Variants in EIF4B observed in about 807,000 individuals in gnomAD.
EIF4B encodes eukaryotic translation initiation factor 4B.
A neutral mutation model predicts 79.3 loss-of-function variants in EIF4B; 8 were observed. That is an observed-to-expected ratio of 0.10 (90% CI 0.06 to 0.18). The LOEUF is 0.18. EIF4B is among the 10% of genes least tolerant of loss of function. The probability of loss-of-function intolerance (pLI) is 1.00; values close to 1 mark genes in which losing one functional copy is unlikely to be tolerated. For synonymous variants in EIF4B, 238 were observed against 274.7 expected, an observed-to-expected ratio of 0.87 and a Z score of 1.32; for missense variants, 515 against 792.4, an observed-to-expected ratio of 0.65 and a Z score of 4.20.
chr12:53,019,436 T>TTTTTTTTTTCTTTTTTTG (rs1943204832), intron 3 of EIF4B, among the ~76,000 whole-genome samples: 1 of 19,770 alleles, frequency 5.1e-5, no homozygotes, highest in Non-Finnish European at 1.8e-4. Context: ...TATATATATA[T>TTTTTTTTTTCTTTTTTTG]ATTTTTTTTT....
At position 53,040,511 on chromosome 12, in the gene EIF4B, G is replaced by C. The variant is rs867498398; in HGVS notation, c.*288G>C. 20 of 274,440 alleles carry C rather than the reference G, an allele frequency of 7.3e-5. No homozygotes were observed. Among genetic ancestry groups the C allele is most frequent in the African/African-American group, 1.1e-4 (5 of 45,564 alleles). The allele number at this position is 274,440 out of a possible 1,614,324, so 17.0% of individuals were successfully genotyped here. ...CCATGCAGTTGCCAGTGTGATTAGT[G>C]CCTAGGGGTCTCCATTTAGCAGAAA... On this transcript the variant is annotated 3_prime_UTR_variant, in exon 15 of 15. Coordinates refer to ENST00000262056, the MANE Select transcript of EIF4B (RefSeq NM_001417.7).
At chr12:53,034,739 A>G in intron 10 of EIF4B, 30 bp downstream of exon 10, 1 of 1,613,216 alleles carries the variant, frequency 6.2e-7, no homozygotes, top group Non-Finnish European at 8.5e-7. Flanking sequence ...GTATCGTGTT[A>G]TTGCCGTTTT....
At chr12:53,026,955 A>G (rs1435605046) in intron 6 of EIF4B, among the ~76,000 whole-genome samples, 1 of 151,960 alleles carries the variant, frequency 6.6e-6, no homozygotes, top group Non-Finnish European at 1.5e-5. Flanking sequence ...CCTGTTAGTC[A>G]TATGTTGCAT....
intron 8 of EIF4B, among the ~76,000 whole-genome samples, chr12:53,030,678 G>A (rs978370777): frequency 5.3e-5 from 8 of 151,836 alleles, no homozygotes. Flanking sequence ...CCAAAGTGCT[G>A]GGATTACAGG....
intron 1 of EIF4B, among the ~76,000 whole-genome samples, chr12:53,015,565 C>T (rs1269117604): frequency 2.6e-5 from 4 of 151,628 alleles, no homozygotes; most frequent in Non-Finnish European, 5.9e-5. Context: ...CCTCTGTGGT[C>T]CCAGCTATTG....
At chr12:53,027,950 C>A in intron 7 of EIF4B, 31 bp downstream of exon 7, 1 of 1,570,768 alleles carries the variant, frequency 6.4e-7, no homozygotes, top group Non-Finnish European at 8.6e-7. Context: ...ATTGCTCTTT[C>A]AGTAACTTTG....
intron 6 of EIF4B, among the ~76,000 whole-genome samples, chr12:53,023,578 A>ATTTTTTTTTTTTTTTTTTTTTTTTTTTT (rs1210893432): frequency 9.2e-6 from 1 of 109,226 alleles, no homozygotes; most frequent in Admixed American, 1.0e-4. Context: ...AAAATGTAAA[A>ATTTTTTTTTTTTTTTTTTTTTTTTTTTT]TTTTTTTTTT....
chr12:53,007,191 T>C (rs1489425692), intron 1 of EIF4B, among the ~76,000 whole-genome samples: 1 of 152,198 alleles, frequency 6.6e-6, no homozygotes, highest in Non-Finnish European at 1.5e-5. Context: ...GGTGTGTGTG[T>C]TAGCCTTGGA....
At chr12:53,009,162 A>G (rs181116752) in intron 1 of EIF4B, among the ~76,000 whole-genome samples, 36 of 152,320 alleles carry the variant, frequency 2.4e-4, no homozygotes, top group Admixed American at 2.3e-3. Flanking sequence ...GAAAGTGGTC[A>G]TTATTTATCT....
Position 53,007,887 on chromosome 12 carries a change from T to C in EIF4B, c.13+1391T>C, listed in dbSNP as rs189459852. Reference sequence around the variant, plus strand: ...ATCCTGAGGTACTGCAGAGAGCTAGTGGTATTTCTCAGCTAAGGAATATTA... The same window carrying C: ...ATCCTGAGGTACTGCAGAGAGCTAGCGGTATTTCTCAGCTAAGGAATATTA... On this transcript the variant is annotated intron_variant, in intron 1 of 14. Coordinates refer to ENST00000262056, the MANE Select transcript of EIF4B (RefSeq NM_001417.7). Among the ~76,000 whole-genome samples the C allele has an allele frequency of 3.1e-3, 473 of 152,308 alleles. 4 individuals are homozygous for C. Among genetic ancestry groups the C allele is most frequent in the Non-Finnish European group, 3.6e-3 (248 of 68,022 alleles).
At chr12:53,039,570 C>CAA in intron 13 of EIF4B, 60 bp from the exon 14 acceptor site, 1 of 1,589,372 alleles carries the variant, frequency 6.3e-7, no homozygotes. Flanking sequence ...CATGCATACA[C>CAA]ATGTTTGTAT....
Position 53,006,731 on chromosome 12 carries a change from G to T in EIF4B, c.13+235G>T, listed in dbSNP as rs554672533. On this transcript the variant is annotated intron_variant, in intron 1 of 14. Coordinates refer to ENST00000262056, the MANE Select transcript of EIF4B (RefSeq NM_001417.7). ...TTTTCACCCTTTCTGCGCGAGATTG[G>T]AATAGGCAGTAATGGTAGACTCTGG... is the stretch of plus-strand genomic sequence containing the variant. Among the ~76,000 whole-genome samples the T allele has an allele frequency of 2.1e-3, 318 of 152,024 alleles. 2 individuals carry two copies. The highest frequency in any genetic ancestry group is 0.01 in the Middle Eastern group (3 of 294).
chr12:53,010,747 A>G (rs770105582), intron 1 of EIF4B, among the ~76,000 whole-genome samples: 14 of 152,014 alleles, frequency 9.2e-5, no homozygotes, highest in Non-Finnish European at 1.6e-4. Flanking sequence ...CCTGGGTTCA[A>G]GCGGTTCTAG....
At chr12:53,009,540 G>T (rs1350661953) in intron 1 of EIF4B, among the ~76,000 whole-genome samples, 1 of 151,918 alleles carries the variant, frequency 6.6e-6, no homozygotes, top group African/African-American at 2.4e-5. Flanking sequence ...AATAACATAT[G>T]TAAGCTCATG....
chr12:53,036,408 G>A (rs568897157), intron 10 of EIF4B, among the ~76,000 whole-genome samples: 42 of 151,944 alleles, frequency 2.8e-4, no homozygotes, highest in African/African-American at 8.9e-4. Flanking sequence ...CGCCGTGCCC[G>A]GCCTAGTTTT....
rs116356920 is a variant in EIF4B, at chr12:53,015,526, T to C, written c.14-947T>C. Reference sequence around the variant, plus strand: ...GGCAACATAGGGAATTAAAAAACTTTTTAAAAATCAGCTGGGCGTGGTAGT... The same window carrying C: ...GGCAACATAGGGAATTAAAAAACTTCTTAAAAATCAGCTGGGCGTGGTAGT... On this transcript the variant is annotated intron_variant, in intron 1 of 14. Coordinates refer to ENST00000262056, the MANE Select transcript of EIF4B (RefSeq NM_001417.7). Among the ~76,000 whole-genome samples, 1,423 of 150,100 alleles carry C rather than the reference T, an allele frequency of 9.5e-3. 24 individuals are homozygous for C. The highest frequency in any genetic ancestry group is 0.033 in the African/African-American group (1,345 of 40,744).
At chr12:53,029,079 C>T (rs1487051324) in intron 8 of EIF4B, among the ~76,000 whole-genome samples, 1 of 150,474 alleles carries the variant, frequency 6.6e-6, no homozygotes, top group Non-Finnish European at 1.5e-5. Context: ...GAGCTGAGAT[C>T]GCACCACTGC....
chr12:53,038,563 C>A, intron 12 of EIF4B, 152 bp downstream of exon 12: 1 of 527,434 alleles, frequency 1.9e-6, no homozygotes, highest in Non-Finnish European at 3.0e-6. Context: ...ACCTGTAATC[C>A]CAGCACTTTG....
In EIF4B at chr12:53,018,793, C is replaced by T. The variant is rs1397316383; in HGVS notation, c.152-5C>T. On this transcript the variant is annotated splice_region_variant and splice_polypyrimidine_tract_variant and intron_variant, in intron 2 of 14. Transcript: ENST00000262056. ...TAATTTCTTACATTCATTCCTCTAT[C>T]CTAGTTTCGACCACTTGGCACAGTA... 2 of 1,612,052 alleles carry T rather than the reference C, an allele frequency of 1.2e-6. No individual in the cohort carries two copies. Among genetic ancestry groups the T allele is most frequent in the Non-Finnish European group, 1.7e-6 (2 of 1,179,802 alleles).
Sources: gnomAD v4.1 joint callset for allele counts (sites outside exome capture counted in the v4.1 genomes callset) on GRCh38, gnomAD v4.1.1 for gene constraint, MANE v1.5 for transcripts, NCBI Gene and HGNC (gene_info 2026-07-23, HGNC 2026-07-21) for gene names.